The following FGF13 variants were observed in gnomAD, a reference collection of about 807,000 sequenced individuals.
FGF13 encodes fibroblast growth factor 13.
Under a neutral mutation model 19.5 loss-of-function variants are expected in FGF13, and 2 were observed. The ratio of observed to expected loss-of-function variants is 0.10; its 90% CI spans 0.04 to 0.32. The LOEUF (loss-of-function observed/expected upper bound fraction) is 0.32. Among genes scored for constraint, FGF13 ranks in the 10% least tolerant of loss-of-function variants. The pLI, the probability that FGF13 is intolerant of heterozygous loss-of-function variation, is 1.00. For missense variants in FGF13, 113 were observed against 192.7 expected (o/e 0.59, Z 2.45); for synonymous variants, 72 against 76.9 (o/e 0.94, Z 0.33).
chrX:138,949,758 T>A (rs1393916959), intron 1 of FGF13, among the ~76,000 whole-genome samples: 3 of 111,541 alleles, frequency 2.7e-5, no homozygotes, highest in Non-Finnish European at 5.7e-5. Context: ...TGGAATTATT[T>A]GAAAAATAGT....
intron 3 of FGF13, among the ~76,000 whole-genome samples, chrX:138,812,445 C>T (rs1389494663): frequency 1.8e-5 from 2 of 110,948 alleles, no homozygotes; most frequent in Non-Finnish European, 3.8e-5. Flanking sequence ...GTTTTTGGTT[C>T]ATCATCTAGT....
chrX:138,944,791 A>C (rs1393555345), intron 1 of FGF13, among the ~76,000 whole-genome samples: 5 of 111,619 alleles, frequency 4.5e-5, no homozygotes, highest in Non-Finnish European at 7.5e-5. Context: ...GCCATTTCTC[A>C]AATATGACTA....
At chrX:139,077,575 T>C (rs1334854024) in intron 1 of FGF13, among the ~76,000 whole-genome samples, 1 of 111,324 alleles carries the variant, frequency 9.0e-6, no homozygotes. Context: ...TATATACTTT[T>C]ATGAGGTGGC....
intron 1 of FGF13, among the ~76,000 whole-genome samples, chrX:139,014,337 A>G (rs2092144018): frequency 9.0e-6 from 1 of 111,596 alleles, no homozygotes; most frequent in Admixed American, 9.5e-5. Context: ...TTTTGAAAAG[A>G]CAGACAAAAC....
At chrX:138,865,471 CTCCTCTCTCTCTCTCCTCT>C (rs1569414083) in intron 1 of FGF13, among the ~76,000 whole-genome samples, 5 of 87,808 alleles carry the variant, frequency 5.7e-5, no homozygotes, top group Admixed American at 2.4e-4. Flanking sequence ...CTCTCTCTCT[CTCCTCTCTCTCTCTCCTCT>C]CTCTCTCCTC....
chrX:139,018,495 T>C (rs1377107981), intron 1 of FGF13, among the ~76,000 whole-genome samples: 1 of 111,352 alleles, frequency 9.0e-6, no homozygotes, highest in African/African-American at 3.3e-5. Flanking sequence ...TGGCAAATTA[T>C]TTTTGCTCTG....
chrX:138,670,644 G>A (rs1481448053), intron 3 of FGF13, among the ~76,000 whole-genome samples: 1 of 111,386 alleles, frequency 9.0e-6, no homozygotes, highest in East Asian at 2.8e-4. Context: ...ACACAGGGAG[G>A]CATACAGGTG....
chrX:139,066,590 T>C (rs1317224409), intron 1 of FGF13, among the ~76,000 whole-genome samples: 1 of 111,501 alleles, frequency 9.0e-6, no homozygotes, highest in Non-Finnish European at 1.9e-5. Context: ...ACATATTGAA[T>C]CCCTGAATAG....
intron 1 of FGF13, among the ~76,000 whole-genome samples, chrX:138,971,344 G>C (rs2091914729): frequency 1.2e-5 from 1 of 84,441 alleles, no homozygotes; most frequent in South Asian, 6.5e-4. Context: ...TACATAGTAA[G>C]TGCTAATAAT....
At chrX:138,840,682 C>T (rs2091144730) in intron 3 of FGF13, among the ~76,000 whole-genome samples, 1 of 111,409 alleles carries the variant, frequency 9.0e-6, no homozygotes, top group East Asian at 2.8e-4. Flanking sequence ...AGCCCCAAGA[C>T]AGGGGCTGGT....
chrX:138,702,921 C>T (rs1039441190), intron 3 of FGF13, 63 bp downstream of exon 3: 2 of 777,794 alleles, frequency 2.6e-6, no homozygotes, highest in African/African-American at 2.0e-5. Context: ...ATATAAAGCA[C>T]ATTTTCTTTC....
At chrX:139,174,223 T>C (rs1391167580) in intron 1 of FGF13, among the ~76,000 whole-genome samples, 1 of 112,647 alleles carries the variant, frequency 8.9e-6, no homozygotes, top group Non-Finnish European at 1.9e-5. Context: ...TCTGTTCATA[T>C]CCTTTGCCCA....
chrX:139,080,904 T>A (rs775655896), intron 1 of FGF13, among the ~76,000 whole-genome samples: 7 of 110,964 alleles, frequency 6.3e-5, no homozygotes, highest in Non-Finnish European at 1.1e-4. Context: ...ACTTTGCCCC[T>A]GTAATTACTC....
chrX:138,726,646 G>A (rs1056294753), intron 1 of FGF13, among the ~76,000 whole-genome samples: 9 of 111,858 alleles, frequency 8.0e-5, no homozygotes, highest in East Asian at 2.8e-4. Context: ...CAACTGAGAC[G>A]ACTGATACTC....
At chrX:138,685,133 T>C (rs2089766774) in intron 3 of FGF13, among the ~76,000 whole-genome samples, 1 of 111,427 alleles carries the variant, frequency 9.0e-6, no homozygotes, top group Non-Finnish European at 1.9e-5. Flanking sequence ...AGAGCAACAC[T>C]TCTCCCTTTA....
At chrX:139,185,101 G>A (rs1477234220) in intron 1 of FGF13, among the ~76,000 whole-genome samples, 1 of 112,064 alleles carries the variant, frequency 8.9e-6, no homozygotes, top group Non-Finnish European at 1.9e-5. Flanking sequence ...TGCAGAATTC[G>A]TTTAGCTATC....
chrX:138,692,540 C>CT (rs1488071127), intron 3 of FGF13, among the ~76,000 whole-genome samples: 1 of 110,981 alleles, frequency 9.0e-6, no homozygotes, highest in Non-Finnish European at 1.9e-5. Context: ...CATAAAGGTA[C>CT]TTAGCATTAC....
intron 3 of FGF13, among the ~76,000 whole-genome samples, chrX:138,831,238 A>G (rs1481426314): frequency 8.9e-6 from 1 of 111,811 alleles, no homozygotes; most frequent in African/African-American, 3.3e-5. Context: ...TTAATTAGAA[A>G]CTTGTCACAG....
chrX:138,889,932 CT>C (rs1218819253), intron 1 of FGF13, among the ~76,000 whole-genome samples: 133 of 100,027 alleles, frequency 1.3e-3, no homozygotes, highest in Admixed American at 1.2e-3. Flanking sequence ...CCCTTTTGAA[CT>C]TTTTTTTTTT....
Sources: gnomAD v4.1 joint callset for allele counts (sites outside exome capture counted in the v4.1 genomes callset) on GRCh38, gnomAD v4.1.1 for gene constraint, MANE v1.5 for transcripts, NCBI Gene and HGNC (gene_info 2026-07-23, HGNC 2026-07-21) for gene names.